The following XYLB variants were observed in gnomAD, a reference collection of about 807,000 sequenced individuals.
XYLB encodes xylulokinase.
A neutral mutation model predicts 78.7 loss-of-function variants in XYLB; 62 were observed. The ratio of observed to expected loss-of-function variants is 0.79; its 90% CI spans 0.64 to 0.97. XYLB has a LOEUF of 0.97. Among genes scored for constraint, XYLB ranks in the 50% least tolerant of loss-of-function variants. The pLI is 0.00. For synonymous variants in XYLB, 245 were observed against 247.4 expected (o/e 0.99, Z 0.09); for missense variants, 687 against 676.8 (o/e 1.02, Z -0.17).
intron 18 of XYLB, among the ~76,000 whole-genome samples, chr3:38,406,416 T>TA (rs1190318612): frequency 2.6e-5 from 4 of 152,074 alleles, no homozygotes; most frequent in African/African-American, 7.2e-5. Context: ...CAAAAGTAGA[T>TA]AAAACCACAA....
chr3:38,368,159 C>T (rs1244536208), intron 7 of XYLB, 26 bp from the exon 8 acceptor site: 6 of 1,600,314 alleles, frequency 3.7e-6, no homozygotes, highest in African/African-American at 2.7e-5. Flanking sequence ...AAGTGAGGCA[C>T]CTCTCACTGT....
At chr3:38,450,704 G>A in the XYLB span, among the ~76,000 whole-genome samples, 1 of 152,148 alleles carries the variant, frequency 6.6e-6, no homozygotes, top group Non-Finnish European at 1.5e-5. Context: ...AACCAGCCTA[G>A]TATTTGCTTG....
chr3:38,388,176 T>G (rs200246885), intron 15 of XYLB, among the ~76,000 whole-genome samples: 179 of 141,276 alleles, frequency 1.3e-3, no homozygotes, highest in South Asian at 2.9e-3. Context: ...TTTGTTTTTT[T>G]TTTTTTTTTT....
chr3:38,400,903 G>A lies in XYLB; in HGVS notation c.1451G>A (p.Gly484Glu). 6.2e-7 allele frequency: 1 copy of A among 1,614,124 alleles called. No homozygotes were observed. Among genetic ancestry groups the A allele is most frequent in the Non-Finnish European group, 8.5e-7 (1 of 1,180,014 alleles). ...AYRAFHGLAG[G>E]TDVPFSEVVK... Reference sequence around the variant, plus strand: ...CTTTCCCTTCTAGGTCTTGCAGGTGGAACAGATGTGCCCTTTTCAGAGGTT... The same window carrying A: ...CTTTCCCTTCTAGGTCTTGCAGGTGAAACAGATGTGCCCTTTTCAGAGGTT... The change falls in exon 18 of 19, where the codon GGA becomes GAA. Residue 484 changes from glycine (G) to glutamate (E), a missense_variant. Transcript: ENST00000207870.
intron 2 of XYLB, among the ~76,000 whole-genome samples, chr3:38,353,577 C>T (rs1040138635): frequency 4.6e-5 from 7 of 152,042 alleles, no homozygotes; most frequent in Non-Finnish European, 7.4e-5. Context: ...TCCTAAAGTG[C>T]TGAGATTACA....
chr3:38,401,255 C>G (rs1472240201), intron 18 of XYLB, among the ~76,000 whole-genome samples: 4 of 151,980 alleles, frequency 2.6e-5, no homozygotes, highest in African/African-American at 9.7e-5. Context: ...TTCCATGTCA[C>G]TGGGCTATAA....
intron 8 of XYLB, 115 bp from the exon 9 acceptor site, chr3:38,369,941 A>C: frequency 1.1e-6 from 1 of 876,280 alleles, no homozygotes; most frequent in Non-Finnish European, 1.9e-6. Flanking sequence ...CCATGAAGAA[A>C]GAGCTCCAGG....
At chr3:38,373,733 T>C (rs1706696921) in intron 10 of XYLB, among the ~76,000 whole-genome samples, 1 of 152,246 alleles carries the variant, frequency 6.6e-6, no homozygotes, top group African/African-American at 2.4e-5. Flanking sequence ...AGTGTTTGAG[T>C]GCACCTGTTC....
chr3:38,367,220 C>G (rs1256639614), intron 7 of XYLB, among the ~76,000 whole-genome samples: 6 of 152,092 alleles, frequency 3.9e-5, no homozygotes, highest in Non-Finnish European at 7.4e-5. Context: ...CGCAGGAGGG[C>G]TACCAGGCAC....
the XYLB span, chr3:38,452,941 G>A: frequency 6.6e-6 from 1 of 152,168 alleles, no homozygotes; most frequent in African/African-American, 2.4e-5. Context: ...AGAAGACAGA[G>A]GACAATTAAT....
chr3:38,404,331 C>T (rs1708229069), intron 18 of XYLB, among the ~76,000 whole-genome samples: 1 of 152,222 alleles, frequency 6.6e-6, no homozygotes. Flanking sequence ...CTGTGTCACC[C>T]TCATTTGGAA....
chr3:38,422,349 G>A (rs1454033533), downstream of XYLB, among the ~76,000 whole-genome samples: 1 of 152,222 alleles, frequency 6.6e-6, no homozygotes, highest in African/African-American at 2.4e-5. Flanking sequence ...GAAATGGGGA[G>A]AAGTGAAACT....
At chr3:38,411,546 A>G (rs575758735) in intron 18 of XYLB, among the ~76,000 whole-genome samples, 29 of 152,048 alleles carry the variant, frequency 1.9e-4, no homozygotes, top group South Asian at 4.2e-4. Context: ...AAATCTGGCA[A>G]ATTTTTTGCC....
intron 16 of XYLB, 139 bp from the exon 17 acceptor site, chr3:38,396,933 A>G: frequency 1.2e-6 from 1 of 809,194 alleles, no homozygotes; most frequent in Non-Finnish European, 2.0e-6. Flanking sequence ...GACCAAGCAT[A>G]CTCCTCTTAA....
intron 4 of XYLB, among the ~76,000 whole-genome samples, chr3:38,364,860 T>C (rs991200749): frequency 9.2e-5 from 14 of 152,192 alleles, no homozygotes; most frequent in African/African-American, 3.4e-4. Context: ...AATGAATGAA[T>C]GAATGAATGA....
At chr3:38,416,366 A>G (rs937149303), downstream of XYLB, among the ~76,000 whole-genome samples, 28 of 152,240 alleles carry the variant, frequency 1.8e-4, no homozygotes, top group African/African-American at 6.0e-4. Context: ...TATAGAATAC[A>G]TAGTATAATT....
the XYLB span, among the ~76,000 whole-genome samples, chr3:38,435,121 G>A: frequency 6.6e-6 from 1 of 152,176 alleles, no homozygotes; most frequent in Non-Finnish European, 1.5e-5. Flanking sequence ...GGGTGACAGA[G>A]TAAGACAGAC....
intron 15 of XYLB, 152 bp from the exon 16 acceptor site, chr3:38,395,353 G>A (rs1393515366): frequency 9.9e-6 from 7 of 703,934 alleles, no homozygotes; most frequent in Non-Finnish European, 1.8e-5. Context: ...CACACACAGA[G>A]CCAGCTTTGG....
At chr3:38,399,430 G>C (rs935178095) in intron 17 of XYLB, among the ~76,000 whole-genome samples, 7 of 150,614 alleles carry the variant, frequency 4.6e-5, no homozygotes, top group Non-Finnish European at 1.0e-4. Context: ...AGTTTTGTTG[G>C]AATATACAAC....
Sources: allele counts gnomAD v4.1 joint callset (sites outside exome capture counted in the v4.1 genomes callset), GRCh38; gene constraint gnomAD v4.1.1; transcripts MANE v1.5; gene names NCBI Gene and HGNC (gene_info 2026-07-23, HGNC 2026-07-21).